The following DEPTOR variants were observed in gnomAD, a reference collection of about 807,000 sequenced individuals.
DEPTOR encodes the protein DEP domain-containing mTOR-interacting protein.
A neutral mutation model predicts 41.6 loss-of-function variants in DEPTOR; 41 were observed. The observed-to-expected ratio is 0.98, with a 90% confidence interval of 0.77 to 1.28. The LOEUF is 1.28. DEPTOR is among the 50% of genes most tolerant of loss of function. The probability of loss-of-function intolerance (pLI) is 0.00; values close to 1 mark genes in which losing one functional copy is unlikely to be tolerated. For synonymous variants in DEPTOR, 195 were observed against 192.3 expected, an observed-to-expected ratio of 1.01 and a Z score of -0.12; for missense variants, 514 against 527.9, an observed-to-expected ratio of 0.97 and a Z score of 0.26.
rs547544656 is a variant in DEPTOR at position 119,957,471 on chromosome 8, G to A, written c.426-7761G>A. Among the ~76,000 whole-genome samples the A allele has an allele frequency of 3.3e-5, 5 of 152,088 alleles. No homozygotes were observed. The South Asian group carries it at 1.0e-3, about 32-fold the overall frequency. ...TAAAACCAGAAAACTGAGGACGCTA[G>A]TTTTTCTTCCATTTTGTCCTCCAAG... On this transcript the variant is annotated intron_variant, in intron 3 of 8. Coordinates refer to ENST00000286234, the MANE Select transcript of DEPTOR (RefSeq NM_022783.4).
At chr8:119,985,972 T>C (rs1421368779) in intron 4 of DEPTOR, among the ~76,000 whole-genome samples, 2 of 151,882 alleles carry the variant, frequency 1.3e-5, no homozygotes, top group Admixed American at 1.3e-4. Flanking sequence ...GGGTTTTGAC[T>C]CTTTATCCAA....
chr8:120,036,241 C>T (rs188905994), intron 8 of DEPTOR, among the ~76,000 whole-genome samples: 2 of 152,302 alleles, frequency 1.3e-5, no homozygotes, highest in African/African-American at 4.8e-5. Context: ...ACAAACTTCT[C>T]AATTTGAAAC....
intron 1 of DEPTOR, among the ~76,000 whole-genome samples, chr8:119,903,243 T>C (rs1019905707): frequency 1.3e-5 from 2 of 151,974 alleles, no homozygotes; most frequent in African/African-American, 4.8e-5. Flanking sequence ...GGATTATAGG[T>C]CCCTGCCACC....
At chr8:120,022,618 C>T (rs1299365252) in intron 8 of DEPTOR, among the ~76,000 whole-genome samples, 2 of 152,180 alleles carry the variant, frequency 1.3e-5, no homozygotes, top group African/African-American at 4.8e-5. Flanking sequence ...GAGGCCAAAT[C>T]TGTCACCCCT....
intron 1 of DEPTOR, among the ~76,000 whole-genome samples, chr8:119,893,005 A>G (rs894113221): frequency 6.6e-6 from 1 of 151,790 alleles, no homozygotes; most frequent in Non-Finnish European, 1.5e-5. Flanking sequence ...CTGGTCTCGA[A>G]CTCCTGTTCT....
intron 1 of DEPTOR, among the ~76,000 whole-genome samples, chr8:119,921,885 C>T (rs1274720245): frequency 1.3e-5 from 2 of 151,606 alleles, no homozygotes; most frequent in Admixed American, 6.6e-5. Context: ...TTCAGCCTCC[C>T]AAGTAGCTGG....
chr8:119,920,841 A>T (rs569301193), intron 1 of DEPTOR, among the ~76,000 whole-genome samples: 1 of 152,112 alleles, frequency 6.6e-6, no homozygotes, highest in Non-Finnish European at 1.5e-5. Flanking sequence ...GGATCTGAGG[A>T]ACTCCTGCAA....
intron 3 of DEPTOR, among the ~76,000 whole-genome samples, chr8:119,938,587 G>A (rs1323126445): frequency 6.6e-6 from 1 of 152,016 alleles, no homozygotes; most frequent in Non-Finnish European, 1.5e-5. Flanking sequence ...ATCTTGGCTG[G>A]TTGCAATCTC....
rs182393407 is a variant in DEPTOR, at chr8:119,985,272, A to C, written c.605-16253A>C. ...TCTAACTGGCATGAGATGGTATCTC[A>C]TTATGGTTTTGATTTGCATTTCTCT... On this transcript the variant is annotated intron_variant, in intron 4 of 8. Transcript: ENST00000286234. Among the ~76,000 whole-genome samples, 115 of 152,208 alleles carry C rather than the reference A, an allele frequency of 7.6e-4. 1 individual carries two copies. The highest frequency in any genetic ancestry group is 2.6e-3 in the African/African-American group (107 of 41,540).
At chr8:120,016,114 C>A (rs549202359) in intron 8 of DEPTOR, among the ~76,000 whole-genome samples, 2 of 152,248 alleles carry the variant, frequency 1.3e-5, no homozygotes, top group East Asian at 3.9e-4. Flanking sequence ...CCTAAAATAA[C>A]TTCTTAATAA....
intron 4 of DEPTOR, 142 bp from the exon 5 acceptor site, chr8:120,001,383 T>A (rs1812347902): frequency 2.9e-6 from 2 of 679,576 alleles, no homozygotes; most frequent in Non-Finnish European, 4.5e-6. Context: ...CATGGGCGGA[T>A]GGGCGGCAGC....
intron 8 of DEPTOR, among the ~76,000 whole-genome samples, chr8:120,031,929 A>G (rs1812898083): frequency 6.6e-6 from 1 of 152,042 alleles, no homozygotes; most frequent in Admixed American, 6.6e-5. Context: ...GTCTGGGAAA[A>G]GGAAAGGACC....
chr8:119,884,894 G>A (rs549453809), intron 1 of DEPTOR, among the ~76,000 whole-genome samples: 9 of 152,086 alleles, frequency 5.9e-5, no homozygotes, highest in Non-Finnish European at 7.4e-5. Flanking sequence ...TTGTGCCTCA[G>A]CTTCCTGAGT....
intron 1 of DEPTOR, among the ~76,000 whole-genome samples, chr8:119,902,418 C>A (rs564273827): frequency 6.6e-6 from 1 of 152,284 alleles, no homozygotes; most frequent in Non-Finnish European, 1.5e-5. Context: ...CAGCTCACTG[C>A]AGCCTCTGCC....
chr8:119,993,795 A>T (rs1241634400), intron 4 of DEPTOR, among the ~76,000 whole-genome samples: 1 of 151,858 alleles, frequency 6.6e-6, no homozygotes, highest in Non-Finnish European at 1.5e-5. Flanking sequence ...TTTAACAAAA[A>T]GTAAGTTGTT....
intron 3 of DEPTOR, among the ~76,000 whole-genome samples, chr8:119,949,766 A>T (rs139865502): frequency 1.4e-3 from 207 of 151,752 alleles, no homozygotes; most frequent in Non-Finnish European, 2.1e-3. Flanking sequence ...TGCAACCTCC[A>T]CCTCCCGGGT....
intron 3 of DEPTOR, among the ~76,000 whole-genome samples, chr8:119,952,169 A>T (rs1452530067): frequency 6.6e-6 from 1 of 152,146 alleles, no homozygotes; most frequent in Non-Finnish European, 1.5e-5. Context: ...ATTTCTTTAA[A>T]AGAAAAAAAA....
At chr8:120,021,173 C>T (rs1268924913) in intron 8 of DEPTOR, among the ~76,000 whole-genome samples, 3 of 151,900 alleles carry the variant, frequency 2.0e-5, no homozygotes, top group South Asian at 2.1e-4. Context: ...GAGGCCAAGG[C>T]GGGCAGATTA....
At chr8:119,917,801 G>A (rs1258270954) in intron 1 of DEPTOR, among the ~76,000 whole-genome samples, 5 of 152,168 alleles carry the variant, frequency 3.3e-5, no homozygotes, top group East Asian at 1.9e-4. Flanking sequence ...TCTCCTGCCC[G>A]TCCCTGGGCA....
Sources: allele counts gnomAD v4.1 joint callset (sites outside exome capture counted in the v4.1 genomes callset), GRCh38; gene constraint gnomAD v4.1.1; transcripts MANE v1.5; gene names NCBI Gene and HGNC (gene_info 2026-07-23, HGNC 2026-07-21).